Variants in MAPK8IP3 observed in about 807,000 individuals in gnomAD.
The protein encoded by MAPK8IP3 is mitogen-activated protein kinase 8 interacting protein 3.
Under a neutral mutation model 157.8 loss-of-function variants are expected in MAPK8IP3, and 49 were observed. The ratio of observed to expected loss-of-function variants is 0.31; its 90% CI spans 0.25 to 0.39. MAPK8IP3 has a LOEUF of 0.39. MAPK8IP3 is among the 10% of genes least tolerant of loss of function. The pLI is 1.00. For synonymous variants in MAPK8IP3, 897 were observed against 777.7 expected, an observed-to-expected ratio of 1.15 and a Z score of -2.55; for missense variants, 1,478 against 1,889.4, an observed-to-expected ratio of 0.78 and a Z score of 4.04.
chr16:1,757,921 T>C (rs984766194), intron 8 of MAPK8IP3, among the ~76,000 whole-genome samples: 1 of 152,202 alleles, frequency 6.6e-6, no homozygotes, highest in African/African-American at 2.4e-5. Context: ...AACACAGCCC[T>C]GGGCTGGACC....
intron 1 of MAPK8IP3, among the ~76,000 whole-genome samples, chr16:1,722,891 T>C (rs57023839): frequency 0.14 from 20,458 of 151,080 alleles, 2,191 homozygotes; most frequent in African/African-American, 0.3. Context: ...TTAGTAGAGA[T>C]GGGGTTTCGC....
chr16:1,715,144 GT>G (rs1161564939), intron 1 of MAPK8IP3, among the ~76,000 whole-genome samples: 1 of 152,056 alleles, frequency 6.6e-6, no homozygotes, highest in Non-Finnish European at 1.5e-5. Context: ...GTTGGGATTT[GT>G]TTTACGTGGA....
Position 1,767,716 on chromosome 16 carries a change from C to G in MAPK8IP3, c.3390C>G (p.Pro1130=). Residue 1130 remains proline (P), a synonymous_variant, in exon 27 of 32, where the codon CCC becomes CCG. Coordinates refer to ENST00000610761, the MANE Select transcript of MAPK8IP3 (RefSeq NM_001318852.2). The part of the protein sequence containing the change: ...HQHLQDVDIE[P]YVSKMLGTGK... ...ATCTACAGGACGTGGACATTGAGCCCTACGTCAGCAAGATGCTAGGTGAGG... is the reference window on the plus strand; with the variant it reads ...ATCTACAGGACGTGGACATTGAGCCGTACGTCAGCAAGATGCTAGGTGAGG... 6.2e-7 allele frequency: 1 copy of G among 1,612,738 alleles called. No homozygotes were observed. Among genetic ancestry groups the G allele is most frequent in the Non-Finnish European group, 8.5e-7 (1 of 1,179,948 alleles).
At position 1,745,781 on chromosome 16, in the gene MAPK8IP3, AT is replaced by A. The variant is rs373506650; in HGVS notation, c.748-1246del. Reference sequence around the variant, plus strand: ...ATAGAGGAAGGTGTGTCATTTTGAGATTCCTTCTAGAGAAACTTAGGAGCCT... The same window carrying A: ...ATAGAGGAAGGTGTGTCATTTTGAGATCCTTCTAGAGAAACTTAGGAGCCT... On this transcript the variant is annotated intron_variant, in intron 5 of 31. Coordinates refer to ENST00000610761, the MANE Select transcript of MAPK8IP3 (RefSeq NM_001318852.2). 697 of 152,384 alleles carry A rather than the reference AT, an allele frequency of 4.6e-3. 2 individuals are homozygous for A. The highest frequency in any genetic ancestry group is 0.016 in the African/African-American group (671 of 41,584). 9.4% of individuals were successfully genotyped at this position (152,384 alleles called of 1,614,324 possible). A position where few individuals can be genotyped will look rare whatever the true frequency, so the allele number is the denominator to read the frequency against.
chr16:1,744,524 G>C (rs554858008), intron 5 of MAPK8IP3: 176 of 985,588 alleles, frequency 1.8e-4, no homozygotes, highest in Non-Finnish European at 2.1e-4. Flanking sequence ...GCTGGAGAGA[G>C]GGTGGCGGGG....
intron 16 of MAPK8IP3, 134 bp from the exon 17 acceptor site, chr16:1,763,523 C>G: frequency 7.9e-7 from 1 of 1,260,282 alleles, no homozygotes; most frequent in South Asian, 2.0e-5. Context: ...CCCAGCTGGG[C>G]ACCCGGTGGC....
chr16:1,757,218 C>T (rs2041655768), intron 8 of MAPK8IP3, among the ~76,000 whole-genome samples: 1 of 152,114 alleles, frequency 6.6e-6, no homozygotes, highest in Non-Finnish European at 1.5e-5. Flanking sequence ...CACTCTCCTG[C>T]CTCAGCCGCC....
In MAPK8IP3 at chr16:1,763,800, C is replaced by T. The variant is rs753405637; in HGVS notation, c.2025+17C>T. 8 of 1,099,498 alleles carry T rather than the reference C, an allele frequency of 7.3e-6. No individual in the cohort carries two copies. The highest frequency in any genetic ancestry group is 6.9e-5 in the East Asian group (1 of 14,496). 68.1% of individuals were successfully genotyped at this position (1,099,498 alleles called of 1,614,324 possible). On this transcript the variant is annotated intron_variant, in intron 17 of 31. Coordinates refer to ENST00000610761, the MANE Select transcript of MAPK8IP3 (RefSeq NM_001318852.2). Reference sequence around the variant, plus strand: ...TACAAGCAGGTGCGGGCGGGCGCTGCGGGGACCGGGCGGGGCCCCGCAGAG... The same window carrying T: ...TACAAGCAGGTGCGGGCGGGCGCTGTGGGGACCGGGCGGGGCCCCGCAGAG...
chr16:1,763,787 C>T lies in MAPK8IP3; in HGVS notation c.2025+4C>T, dbSNP rs749112301. 3 of 1,288,602 alleles carry T rather than the reference C, an allele frequency of 2.3e-6. No individual in the cohort carries two copies. The highest frequency in any genetic ancestry group is 1.4e-5 in the South Asian group (1 of 72,426). The allele number at this position is 1,288,602 out of a possible 1,614,324, so 79.8% of individuals were successfully genotyped here. On this transcript the variant is annotated splice_donor_region_variant and intron_variant, in intron 17 of 31. Transcript: ENST00000610761. ...CCTGCCCGCCAAGTACAAGCAGGTG[C>T]GGGCGGGCGCTGCGGGGACCGGGCG...
chr16:1,714,828 C>T (rs1202191859), intron 1 of MAPK8IP3, among the ~76,000 whole-genome samples: 2 of 152,044 alleles, frequency 1.3e-5, no homozygotes, highest in Admixed American at 1.3e-4. Flanking sequence ...TCAGTGGAAC[C>T]AGAGGGAGTC....
At chr16:1,759,469 G>C (rs1020509684) in intron 10 of MAPK8IP3, among the ~76,000 whole-genome samples, 1 of 152,132 alleles carries the variant, frequency 6.6e-6, no homozygotes, top group Admixed American at 6.5e-5. Flanking sequence ...AGGTCCACTT[G>C]GGGCCTCGTG....
chr16:1,709,896 G>T (rs1213263640), intron 1 of MAPK8IP3, among the ~76,000 whole-genome samples: 1 of 152,196 alleles, frequency 6.6e-6, no homozygotes, highest in Non-Finnish European at 1.5e-5. Flanking sequence ...TAACCCTAAA[G>T]AAACTGCTGC....
intron 6 of MAPK8IP3, among the ~76,000 whole-genome samples, chr16:1,747,579 C>T (rs928018775): frequency 4.6e-5 from 7 of 152,220 alleles, no homozygotes; most frequent in African/African-American, 1.7e-4. Context: ...CACGTGACCT[C>T]ATTTTACCAT....
At chr16:1,766,445 G>A (rs1228024575) in intron 22 of MAPK8IP3, 36 bp downstream of exon 22, 2 of 1,604,334 alleles carry the variant, frequency 1.2e-6, no homozygotes, top group Non-Finnish European at 1.7e-6. Context: ...CAGAGGGAAG[G>A]CTTGCAGAGG....
At chr16:1,726,583 A>G (rs2038892941) in intron 2 of MAPK8IP3, among the ~76,000 whole-genome samples, 1 of 152,190 alleles carries the variant, frequency 6.6e-6, no homozygotes, top group Non-Finnish European at 1.5e-5. Flanking sequence ...AGGCTGAGGT[A>G]GAGGATTGCT....
intron 4 of MAPK8IP3, among the ~76,000 whole-genome samples, chr16:1,738,297 C>T (rs1477500121): frequency 1.4e-5 from 1 of 70,092 alleles, no homozygotes; most frequent in Non-Finnish European, 2.7e-5. Flanking sequence ...TCCATGTGAG[C>T]ATCTGTGTGA....
At chr16:1,761,489 C>T (rs1195880606) in intron 13 of MAPK8IP3, among the ~76,000 whole-genome samples, 184 bp downstream of exon 13, 1 of 148,416 alleles carries the variant, frequency 6.7e-6, no homozygotes, top group Non-Finnish European at 1.5e-5. Flanking sequence ...GGGGCGGCCA[C>T]CATTCACCAT....
rs1351263457 is a variant in MAPK8IP3 at position 1,766,574 on chromosome 16, A to AGAGCCC, written c.2866_2871dup (p.Glu956_Pro957dup). The AGAGCCC allele has an allele frequency of 3.1e-6, 5 of 1,612,238 alleles. No individual in the cohort carries two copies. Among genetic ancestry groups the AGAGCCC allele is most frequent in the South Asian group, 1.1e-5 (1 of 91,084 alleles). On this transcript the variant is annotated inframe_insertion, in exon 23 of 32. Transcript: ENST00000610761. Reference sequence around the variant, plus strand: ...ACAGCAGCAGCACACGGCCAGAGCCAGAGCCCAGCGGGGACCCCACGGGAG... The same window carrying AGAGCCC: ...ACAGCAGCAGCACACGGCCAGAGCCAGAGCCCGAGCCCAGCGGGGACCCCACGGGAG...
chr16:1,732,212 C>T (rs531779926), intron 4 of MAPK8IP3, among the ~76,000 whole-genome samples: 3 of 152,288 alleles, frequency 2.0e-5, no homozygotes, highest in East Asian at 1.9e-4. Context: ...CAGAAGCTGC[C>T]GTCCTACAGA....
Sources: gnomAD v4.1 joint callset for allele counts (sites outside exome capture counted in the v4.1 genomes callset) on GRCh38, gnomAD v4.1.1 for gene constraint, MANE v1.5 for transcripts, NCBI Gene and HGNC (gene_info 2026-07-23, HGNC 2026-07-21) for gene names.